DAB2IP: variants seen among roughly 807,000 people sequenced by gnomAD.
The protein encoded by DAB2IP is disabled homolog 2-interacting protein.
In DAB2IP, 28 loss-of-function variants were observed where a neutral mutation model predicts 107.2. The observed-to-expected ratio is 0.26, with a 90% CI of 0.19 to 0.36. The LOEUF (loss-of-function observed/expected upper bound fraction) is 0.36. DAB2IP is among the 10% of genes least tolerant of loss of function. DAB2IP has a pLI of 1.00. For synonymous variants in DAB2IP, 755 were observed against 706.4 expected, an observed-to-expected ratio of 1.07 and a Z score of -1.09; for missense variants, 1,400 against 1,644.7, an observed-to-expected ratio of 0.85 and a Z score of 2.57.
intron 1 of DAB2IP, among the ~76,000 whole-genome samples, chr9:121,666,668 G>A (rs547927610): frequency 1.3e-5 from 2 of 152,164 alleles, no homozygotes; most frequent in South Asian, 4.2e-4. Context: ...AAACCTAGAC[G>A]ACAGGTTGAT....
chr9:121,642,029 CTCTT>C lies in DAB2IP; in HGVS notation c.41-36597_41-36594del, dbSNP rs1156645580. ...TCTCTCTCTCTCTCTCTCTCTCTCT[CTCTT>C]TCTTTCTTTCTTTCTTTCTTTCTTT... On this transcript the variant is annotated intron_variant, in intron 1 of 16. Coordinates refer to the DAB2IP transcript ENST00000259371. Among the ~76,000 whole-genome samples the C allele has an allele frequency of 9.9e-3, 264 of 26,630 alleles. 2 individuals carry two copies. The highest frequency in any genetic ancestry group is 0.019 in the Middle Eastern group (1 of 54). 17.5% of individuals were successfully genotyped at this position (26,630 alleles called of 152,430 possible).
At chr9:121,735,197 C>T (rs1831810297) in intron 3 of DAB2IP, among the ~76,000 whole-genome samples, 1 of 152,170 alleles carries the variant, frequency 6.6e-6, no homozygotes, top group Non-Finnish European at 1.5e-5. Flanking sequence ...AGCTGGGTAG[C>T]TCTTGGGGCT....
intron 1 of DAB2IP, among the ~76,000 whole-genome samples, chr9:121,600,016 G>A (rs1830639747): frequency 6.6e-6 from 1 of 152,266 alleles, no homozygotes; most frequent in African/African-American, 2.4e-5. Context: ...CTCGACCGCC[G>A]GGACCCAGGG....
intron 1 of DAB2IP, among the ~76,000 whole-genome samples, chr9:121,618,695 A>C (rs1009714166): frequency 6.6e-6 from 1 of 152,150 alleles, no homozygotes. Context: ...TCCCAAAAGG[A>C]ATTCACGCTG....
At chr9:121,737,265 G>C (rs539049910) in intron 3 of DAB2IP, 18 of 985,432 alleles carry the variant, frequency 1.8e-5, no homozygotes, top group Non-Finnish European at 1.2e-6. Context: ...AGTGTTTCTC[G>C]TCTTCTTGGA....
chr9:121,676,633 A>ACG (rs1328337314), intron 1 of DAB2IP, among the ~76,000 whole-genome samples: 92 of 149,994 alleles, frequency 6.1e-4, no homozygotes, highest in South Asian at 4.0e-3. Context: ...AGTTCTGCAG[A>ACG]CGCACACACA....
At chr9:121,569,584 C>G (rs929788049) in intron 1 of DAB2IP, among the ~76,000 whole-genome samples, 1 of 152,220 alleles carries the variant, frequency 6.6e-6, no homozygotes, top group Non-Finnish European at 1.5e-5. Flanking sequence ...CTTTGGGAGG[C>G]TGAGGCAGGT....
At chr9:121,781,311 GC>G (rs1348611398) in intron 14 of DAB2IP, among the ~76,000 whole-genome samples, 152 bp from the exon 15 acceptor site, 1 of 152,156 alleles carries the variant, frequency 6.6e-6, no homozygotes, top group Non-Finnish European at 1.5e-5. Context: ...GAGGGCCTCT[GC>G]CCCAGGCAAG....
rs1369957964 is a variant in DAB2IP, at chr9:121,612,297, C to A, written c.40+45069C>A. On this transcript the variant is annotated intron_variant, in intron 1 of 16. Transcript: ENST00000259371. Reference sequence around the variant, plus strand: ...AGCCGTGATCGTACCACTGCACTCCCACTTTGGTAGCAGAGTGAGACCCTG... The same window carrying A: ...AGCCGTGATCGTACCACTGCACTCCAACTTTGGTAGCAGAGTGAGACCCTG... Among the ~76,000 whole-genome samples, 3 of 151,942 alleles carry A rather than the reference C, an allele frequency of 2.0e-5. No homozygotes were observed. In the East Asian group the frequency reaches 5.8e-4, roughly 29 times the overall value.
intron 12 of DAB2IP, 82 bp from the exon 13 acceptor site, chr9:121,774,178 T>C (rs1835008164): frequency 1.4e-6 from 2 of 1,414,858 alleles, no homozygotes; most frequent in Non-Finnish European, 1.9e-6. Context: ...TTGCTTGTCC[T>C]TGTGGCTCAC....
At chr9:121,655,964 G>A (rs1832952260) in intron 1 of DAB2IP, among the ~76,000 whole-genome samples, 1 of 151,854 alleles carries the variant, frequency 6.6e-6, no homozygotes, top group Admixed American at 6.6e-5. Context: ...GTTAGGTAAG[G>A]ACCTGTGTGC....
chr9:121,776,117 AC>A lies in DAB2IP; in HGVS notation c.3121-78del. The A allele has an allele frequency of 8.0e-6, 12 of 1,498,406 alleles. No homozygotes were observed. The highest frequency in any genetic ancestry group is 1.1e-5 in the Non-Finnish European group (12 of 1,112,406). The allele number at this position is 1,498,406 out of a possible 1,614,324, so 92.8% of individuals were successfully genotyped here. ...GGCCTTTCAAGTGGGGCTCCCTCCT[AC>A]CCTTCCTCCCACTCGGGCTGACGAA... is the stretch of plus-strand genomic sequence containing the variant. On this transcript the variant is annotated intron_variant, in intron 13 of 15. Transcript: ENST00000408936. The surrounding 1 kb of genome is among the most constrained non-coding windows in gnomAD (Gnocchi z 5.4).
chr9:121,581,190 C>G (rs914387), intron 1 of DAB2IP, among the ~76,000 whole-genome samples: 39,107 of 152,098 alleles, frequency 0.26, 6,169 homozygotes, highest in African/African-American at 0.43. Flanking sequence ...TGGGAGCTCA[C>G]AATCCCAGCA....
intron 1 of DAB2IP, among the ~76,000 whole-genome samples, chr9:121,637,803 T>A (rs989771334): frequency 3.9e-5 from 6 of 152,138 alleles, no homozygotes; most frequent in African/African-American, 1.4e-4. Context: ...ATTTATATGA[T>A]GGGCTATAAA....
At chr9:121,642,039 CTT>C (rs1564128954) in intron 1 of DAB2IP, among the ~76,000 whole-genome samples, 6 of 36,320 alleles carry the variant, frequency 1.7e-4, no homozygotes, top group African/African-American at 6.1e-4. Flanking sequence ...CTCTTTCTTT[CTT>C]TCTTTCTTTC....
At chr9:121,639,150 A>G (rs1832193399) in intron 1 of DAB2IP, among the ~76,000 whole-genome samples, 1 of 152,226 alleles carries the variant, frequency 6.6e-6, no homozygotes, top group Admixed American at 6.5e-5. Flanking sequence ...AACAGGATTC[A>G]CTGCTTTTGG....
At chr9:121,612,338 A>G (rs975530254) in intron 1 of DAB2IP, among the ~76,000 whole-genome samples, 1 of 152,068 alleles carries the variant, frequency 6.6e-6, no homozygotes, top group East Asian at 1.9e-4. Flanking sequence ...AAAAAAAATT[A>G]TTATTTTTAA....
At chr9:121,709,004 G>C (rs1175270583) in intron 3 of DAB2IP, among the ~76,000 whole-genome samples, 3 of 152,148 alleles carry the variant, frequency 2.0e-5, no homozygotes, top group Non-Finnish European at 2.9e-5. Flanking sequence ...TCTGAACCTA[G>C]GGCTGCCTTA....
chr9:121,760,918 GAC>G lies in DAB2IP; in HGVS notation c.1170+485_1170+486del, dbSNP rs1241548770. Among the ~76,000 whole-genome samples, 1 of 152,134 alleles carries G rather than the reference GAC, an allele frequency of 6.6e-6. No homozygotes were observed. Among genetic ancestry groups the G allele is most frequent in the Non-Finnish European group, 1.5e-5 (1 of 68,016 alleles). ...CTACCTCACCCCACACTCTCACCCA[GAC>G]ACACAGATTGTCACACAGGTAGACA... On this transcript the variant is annotated intron_variant, in intron 6 of 15. Transcript: ENST00000408936. This position sits in a 1 kb window ranked among gnomAD's most constrained non-coding sequence, Gnocchi z 5.9.
Sources: allele counts gnomAD v4.1 joint callset (sites outside exome capture counted in the v4.1 genomes callset), GRCh38; gene constraint gnomAD v4.1.1; non-coding constraint Gnocchi (gnomAD v3.1); transcripts MANE v1.5; gene names NCBI Gene and HGNC (gene_info 2026-07-23, HGNC 2026-07-21).